USP28: variants seen among roughly 807,000 people sequenced by gnomAD.
USP28 encodes the protein ubiquitin specific peptidase 28.
A neutral mutation model predicts 145.0 loss-of-function variants in USP28; 113 were observed. The observed-to-expected ratio is 0.78, with a 90% confidence interval of 0.67 to 0.91. The LOEUF is 0.91. Among genes scored for constraint, USP28 ranks in the 40% least tolerant of loss-of-function variants. The probability of loss-of-function intolerance (pLI) is 0.00; values close to 1 mark genes in which losing one functional copy is unlikely to be tolerated. For synonymous variants in USP28, 447 were observed against 450.9 expected (o/e 0.99, Z 0.11); for missense variants, 1,201 against 1,289.6 (o/e 0.93, Z 1.05).
chr11:113,875,394 CT>C, intron 1 of USP28, 50 bp downstream of exon 1: 1 of 1,204,736 alleles, frequency 8.3e-7, no homozygotes, highest in South Asian at 2.8e-5. Context: ...GCACGCTCCC[CT>C]CAGGGCCTGG....
intron 3 of USP28, among the ~76,000 whole-genome samples, chr11:113,846,221 G>A (rs1350904870): frequency 6.6e-6 from 1 of 152,160 alleles, no homozygotes; most frequent in African/African-American, 2.4e-5. Flanking sequence ...GAAATGTTTT[G>A]GAAATGGATG....
chr11:113,816,445 G>A (rs138290341), intron 13 of USP28, among the ~76,000 whole-genome samples: 2,656 of 152,148 alleles, frequency 0.017, 37 homozygotes, highest in Admixed American at 0.026. Flanking sequence ...CCCAGAAGGC[G>A]GAGGTTGCAG....
At chr11:113,863,249 A>G (rs575455343) in intron 1 of USP28, among the ~76,000 whole-genome samples, 1 of 152,178 alleles carries the variant, frequency 6.6e-6, no homozygotes, top group Non-Finnish European at 1.5e-5. Context: ...AGAAATCAAA[A>G]AGGAAATTAA....
At chr11:113,832,298 C>T (rs1457838879) in intron 7 of USP28, among the ~76,000 whole-genome samples, 3 of 151,990 alleles carry the variant, frequency 2.0e-5, no homozygotes, top group Non-Finnish European at 4.4e-5. Context: ...TTAGCTGAGA[C>T]GGGGTTTCAC....
chr11:113,823,696 T>A (rs762627126), exon 12 of USP28: 1 of 1,601,690 alleles, frequency 6.2e-7, no homozygotes, highest in Admixed American at 1.7e-5. Flanking sequence ...CTCCTGTACA[T>A]GTACCTAAGT....
chr11:113,829,415 C>T (rs779180397), intron 9 of USP28, 70 bp from the exon 10 acceptor site: 2 of 1,566,668 alleles, frequency 1.3e-6, no homozygotes, highest in South Asian at 1.2e-5. Flanking sequence ...TCTGGCTCCA[C>T]AGAGACAACA....
At chr11:113,841,563 A>T in intron 4 of USP28, 100 bp downstream of exon 4, 1 of 700,540 alleles carries the variant, frequency 1.4e-6, no homozygotes, top group Non-Finnish European at 2.4e-6. Flanking sequence ...AATGTCATTC[A>T]GGTGCTTAAC....
intron 1 of USP28, among the ~76,000 whole-genome samples, chr11:113,862,124 A>G (rs899864016): frequency 6.6e-6 from 1 of 152,170 alleles, no homozygotes; most frequent in African/African-American, 2.4e-5. Context: ...AGGCGGGCGG[A>G]TCACCTGAGG....
intron 3 of USP28, among the ~76,000 whole-genome samples, chr11:113,842,401 C>G (rs539418916): frequency 1.3e-5 from 2 of 151,832 alleles, no homozygotes; most frequent in African/African-American, 4.8e-5. Flanking sequence ...CTGGCTAACA[C>G]GGTGAAACCC....
chr11:113,854,464 G>A (rs1444887979), intron 1 of USP28, 129 bp from the exon 2 acceptor site: 19 of 749,294 alleles, frequency 2.5e-5, no homozygotes, highest in Non-Finnish European at 3.6e-5. Context: ...TGCAGTGGCC[G>A]GATCTCGGCT....
At chr11:113,806,554 T>C (rs770378917) in exon 19 of USP28, 22 of 1,599,304 alleles carry the variant, frequency 1.4e-5, no homozygotes, top group African/African-American at 2.7e-5. Context: ...ATGGCCAGGA[T>C]GACCCCTTGC....
chr11:113,823,154 G>C (rs970114237), intron 12 of USP28, among the ~76,000 whole-genome samples: 1 of 152,228 alleles, frequency 6.6e-6, no homozygotes, highest in Non-Finnish European at 1.5e-5. Flanking sequence ...AAAGAACTTT[G>C]TATGCATCAG....
chr11:113,834,189 G>A, intron 6 of USP28, 60 bp downstream of exon 6: 1 of 1,323,136 alleles, frequency 7.6e-7, no homozygotes, highest in Non-Finnish European at 1.1e-6. Context: ...CAAAAATCTA[G>A]AAGCCTTAGG....
chr11:113,872,261 C>A (rs113045295), intron 1 of USP28, among the ~76,000 whole-genome samples: 2 of 152,050 alleles, frequency 1.3e-5, no homozygotes, highest in South Asian at 2.1e-4. Context: ...CCGAGGCGGG[C>A]GGATCATGAG....
At chr11:113,821,378 T>A in intron 12 of USP28, 1 of 229,280 alleles carries the variant, frequency 4.4e-6, no homozygotes, top group Non-Finnish European at 9.8e-6. Flanking sequence ...TTGCCACTAT[T>A]CTTCCTTGGC....
At chr11:113,809,188 T>C in exon 17 of USP28, 4 of 1,614,230 alleles carry the variant, frequency 2.5e-6, no homozygotes, top group Non-Finnish European at 3.4e-6. Context: ...CTCCTGAATG[T>C]AATGCTTGAG....
At chr11:113,845,428 C>T (rs527357475) in intron 3 of USP28, among the ~76,000 whole-genome samples, 7 of 147,914 alleles carry the variant, frequency 4.7e-5, no homozygotes, top group Non-Finnish European at 1.0e-4. Context: ...AGGTAAAGAC[C>T]CTGTCTCAAA....
At chr11:113,842,978 C>T (rs1945375586) in intron 3 of USP28, among the ~76,000 whole-genome samples, 1 of 152,180 alleles carries the variant, frequency 6.6e-6, no homozygotes, top group African/African-American at 2.4e-5. Context: ...CGCCTTTAAT[C>T]CCAGCACTTT....
At chr11:113,869,215 C>T (rs1035985507) in intron 1 of USP28, among the ~76,000 whole-genome samples, 2 of 152,118 alleles carry the variant, frequency 1.3e-5, no homozygotes, top group African/African-American at 2.4e-5. Context: ...GACGGATCAC[C>T]GGAGGTCAGG....
Sources: gnomAD v4.1 joint callset for allele counts (sites outside exome capture counted in the v4.1 genomes callset) on GRCh38, gnomAD v4.1.1 for gene constraint, MANE v1.5 for transcripts, NCBI Gene and HGNC (gene_info 2026-07-23, HGNC 2026-07-21) for gene names.